Variants in ABCB4 observed in about 807,000 individuals in gnomAD.
The protein encoded by ABCB4 is phosphatidylcholine translocator ABCB4.
Under a neutral mutation model 145.7 loss-of-function variants are expected in ABCB4, and 76 were observed. The ratio of observed to expected loss-of-function variants is 0.52; its 90% CI spans 0.43 to 0.63. ABCB4 has a LOEUF of 0.63. Ranked by LOEUF, ABCB4 falls within the 30% of genes least tolerant of loss-of-function variation. The probability of loss-of-function intolerance (pLI) is 0.00; values close to 1 mark genes in which losing one functional copy is unlikely to be tolerated. For missense variants in ABCB4, 1,234 were observed against 1,553.1 expected (o/e 0.79, Z 3.45); for synonymous variants, 517 against 566.8 (o/e 0.91, Z 1.25).
At chr7:87,473,967 C>A (rs1256113836) in intron 2 of ABCB4, among the ~76,000 whole-genome samples, 1 of 152,178 alleles carries the variant, frequency 6.6e-6, no homozygotes. Context: ...GCAGGCTTAA[C>A]TTCCTTTAAA....
chr7:87,435,143 G>T (rs1810525068), intron 14 of ABCB4, among the ~76,000 whole-genome samples: 2 of 152,188 alleles, frequency 1.3e-5, no homozygotes, highest in Admixed American at 6.5e-5. Context: ...AAGAGAGTTG[G>T]ATTGTAAGTT....
chr7:87,385,867 G>T, the ABCB4 span, among the ~76,000 whole-genome samples: 1 of 152,098 alleles, frequency 6.6e-6, no homozygotes, highest in Admixed American at 6.6e-5. Flanking sequence ...TACTGAGTTT[G>T]TTGAAAATTT....
chr7:87,461,135 G>A (rs1379523027), intron 4 of ABCB4, among the ~76,000 whole-genome samples: 1 of 151,942 alleles, frequency 6.6e-6, no homozygotes, highest in Non-Finnish European at 1.5e-5. Context: ...AGTAGAGATG[G>A]GGTTTCTCCA....
chr7:87,393,161 T>G, the ABCB4 span: 1 of 1,317,532 alleles, frequency 7.6e-7, no homozygotes, highest in Non-Finnish European at 1.0e-6. Flanking sequence ...GATTCTTATA[T>G]TGCCATCTGT....
Position 87,431,464 on chromosome 7 carries a change from T to C in ABCB4, c.1833A>G (p.Gln611=), listed in dbSNP as rs745642611. 3.7e-6 allele frequency: 6 copies of C among 1,614,064 alleles called. No individual in the cohort carries two copies. Among genetic ancestry groups the C allele is most frequent in the Non-Finnish European group, 5.1e-6 (6 of 1,180,020 alleles). Residue 611 remains glutamine (Q), a synonymous_variant, in exon 15 of 28, where the codon CAA becomes CAG. Transcript: ENST00000649586. The stretch of plus-strand genomic sequence containing the variant: ...TCTTCATCAGTTCGCTGTGGCTTCC[T>C]TGCTCCACAATTACTCCATCCTCAA... The part of the protein sequence containing the change: ...AGFEDGVIVE[Q]GSHSELMKKE...
intron 3 of ABCB4, among the ~76,000 whole-genome samples, chr7:87,463,155 A>G (rs765468036): frequency 3.5e-4 from 54 of 152,304 alleles, no homozygotes; most frequent in Admixed American, 7.2e-4. Context: ...ATTACTATAC[A>G]ATCAAAAGGG....
chr7:87,442,778 C>A (rs571419107), intron 12 of ABCB4, among the ~76,000 whole-genome samples: 1 of 152,058 alleles, frequency 6.6e-6, no homozygotes, highest in Non-Finnish European at 1.5e-5. Flanking sequence ...AAATTTATAG[C>A]AAAACTTTTA....
the ABCB4 span, chr7:87,393,209 C>T: frequency 1.2e-6 from 1 of 864,536 alleles, no homozygotes; most frequent in Non-Finnish European, 1.8e-6. Context: ...TCCACTTAGG[C>T]ATTTAATGCA....
chr7:87,447,379 A>C (rs184198593), intron 8 of ABCB4, among the ~76,000 whole-genome samples, 174 bp from the exon 9 acceptor site: 4 of 152,370 alleles, frequency 2.6e-5, no homozygotes, highest in African/African-American at 9.6e-5. Flanking sequence ...AGCCAGGCCT[A>C]GAACAGATCC....
At chr7:87,451,215 G>A (rs1048076758) in intron 7 of ABCB4, among the ~76,000 whole-genome samples, 3 of 150,040 alleles carry the variant, frequency 2.0e-5, no homozygotes, top group African/African-American at 2.5e-5. Context: ...GGCTCACTGC[G>A]ACCTCCACCT....
At chr7:87,466,334 AGAG>A (rs1295345675) in intron 3 of ABCB4, among the ~76,000 whole-genome samples, 1 of 152,200 alleles carries the variant, frequency 6.6e-6, no homozygotes, top group East Asian at 1.9e-4. Flanking sequence ...TGAAACAAGA[AGAG>A]GAGTTTAGAG....
At chr7:87,432,412 G>T (rs766097085) in intron 14 of ABCB4, among the ~76,000 whole-genome samples, 21 of 152,112 alleles carry the variant, frequency 1.4e-4, no homozygotes, top group Non-Finnish European at 2.6e-4. Flanking sequence ...CACCTAAGTG[G>T]TTAACATATA....
At chr7:87,448,381 CAGA>C (rs1402309854) in intron 8 of ABCB4, among the ~76,000 whole-genome samples, 2 of 152,206 alleles carry the variant, frequency 1.3e-5, no homozygotes, top group African/African-American at 4.8e-5. Context: ...ATTCTGCCAT[CAGA>C]AGGTTTGTCT....
the ABCB4 span, chr7:87,375,649 A>G: frequency 6.2e-7 from 1 of 1,613,062 alleles, no homozygotes; most frequent in Non-Finnish European, 8.5e-7. Flanking sequence ...ACATATATCC[A>G]CAAGAAGTGC....
At chr7:87,461,268 A>G (rs2116886961) in intron 4 of ABCB4, among the ~76,000 whole-genome samples, 3 of 152,346 alleles carry the variant, frequency 2.0e-5, no homozygotes, top group African/African-American at 7.2e-5. Context: ...GACTTTTTAA[A>G]CTATCTGTCC....
intron 5 of ABCB4, among the ~76,000 whole-genome samples, chr7:87,454,096 C>T (rs577699633): frequency 6.6e-6 from 1 of 152,272 alleles, no homozygotes; most frequent in Admixed American, 6.5e-5. Context: ...CAGATAGACA[C>T]CTTTCAGGCC....
intron 4 of ABCB4, among the ~76,000 whole-genome samples, chr7:87,457,781 A>G (rs1163919129): frequency 6.6e-6 from 1 of 152,212 alleles, no homozygotes; most frequent in African/African-American, 2.4e-5. Flanking sequence ...AAGGGTCTGA[A>G]TAAGCAGTGT....
At chr7:87,447,874 G>A (rs992593011) in intron 8 of ABCB4, among the ~76,000 whole-genome samples, 1 of 152,158 alleles carries the variant, frequency 6.6e-6, no homozygotes, top group Non-Finnish European at 1.5e-5. Context: ...TGCCTAATTT[G>A]CAAGATAATT....
chr7:87,378,992 T>C, the ABCB4 span, among the ~76,000 whole-genome samples: 1 of 152,330 alleles, frequency 6.6e-6, no homozygotes, highest in East Asian at 1.9e-4. Flanking sequence ...TTCCTTTGAG[T>C]CTACTGTTGA....
Sources: gnomAD v4.1 joint callset for allele counts (sites outside exome capture counted in the v4.1 genomes callset) on GRCh38, gnomAD v4.1.1 for gene constraint, MANE v1.5 for transcripts, NCBI Gene and HGNC (gene_info 2026-07-23, HGNC 2026-07-21) for gene names.